Variants in VSTM2B observed in about 807,000 individuals in gnomAD.
VSTM2B encodes V-set and transmembrane domain containing 2B.
In VSTM2B, 24 loss-of-function variants were observed where a neutral mutation model predicts 24.0. The observed-to-expected ratio is 1.00, with a 90% CI of 0.72 to 1.40. The LOEUF (loss-of-function observed/expected upper bound fraction) is 1.40, where lower values mean the gene tolerates loss of function less well. Ranked by LOEUF, VSTM2B falls within the 40% of genes most tolerant of loss-of-function variation. The probability of loss-of-function intolerance (pLI) is 0.00; values close to 1 mark genes in which losing one functional copy is unlikely to be tolerated. For synonymous variants in VSTM2B, 226 were observed against 194.4 expected (o/e 1.16, Z -1.35); for missense variants, 399 against 416.4 (o/e 0.96, Z 0.36).
At chr19:29,561,909 C>T (rs1166425811) in intron 4 of VSTM2B, among the ~76,000 whole-genome samples, 1 of 152,222 alleles carries the variant, frequency 6.6e-6, no homozygotes, top group African/African-American at 2.4e-5. Context: ...ACAAAAGGGG[C>T]CCAGAGGCAG....
chr19:29,528,754 C>T (rs1241084002), intron 3 of VSTM2B, among the ~76,000 whole-genome samples: 3 of 152,258 alleles, frequency 2.0e-5, no homozygotes, highest in African/African-American at 4.8e-5. Context: ...TAGGGCCTCT[C>T]GCGCCTGCCA....
chr19:29,528,360 TA>T (rs780369463), intron 2 of VSTM2B, 72 bp from the exon 3 acceptor site: 21 of 1,547,830 alleles, frequency 1.4e-5, no homozygotes, highest in Non-Finnish European at 1.8e-5. Flanking sequence ...TGCCCTTGCC[TA>T]AAGGCGGATC....
At position 29,526,958 on chromosome 19, in the gene VSTM2B, G is replaced by A. The variant is rs569452316; in HGVS notation, c.83-253G>A. 4.2e-6 allele frequency: 2 copies of A among 472,486 alleles called. No homozygotes were observed. The highest frequency in any genetic ancestry group is 7.9e-5 in the South Asian group (2 of 25,458). The allele number at this position is 472,486 out of a possible 1,614,324, so 29.3% of individuals were successfully genotyped here. On this transcript the variant is annotated intron_variant, in intron 1 of 4. Coordinates refer to ENST00000335523, the MANE Select transcript of VSTM2B (RefSeq NM_001146339.2). This position sits in a 1 kb window ranked among gnomAD's most constrained non-coding sequence, Gnocchi z 4.1. ...GGCTCTGGCGGTGCGGCCAGGGGCGGGGGAGAAGCACGAGTCGCCCCTGCC... is the reference window on the plus strand; with the variant it reads ...GGCTCTGGCGGTGCGGCCAGGGGCGAGGGAGAAGCACGAGTCGCCCCTGCC...
chr19:29,530,169 C>T lies in VSTM2B; in HGVS notation c.648C>T (p.Pro216=), dbSNP rs1016476325. The T allele has an allele frequency of 6.7e-7, 1 of 1,488,134 alleles. No homozygotes were observed. Among genetic ancestry groups the T allele is most frequent in the Non-Finnish European group, 8.9e-7 (1 of 1,126,440 alleles). The allele number at this position is 1,488,134 out of a possible 1,614,324, so 92.2% of individuals were successfully genotyped here. Reference sequence around the variant, plus strand: ...CCGCCGCCATCGATCCCGCAGTCCCCGAGGCCGCGGCAGCCTCGGCGGCCC... The same window carrying T: ...CCGCCGCCATCGATCCCGCAGTCCCTGAGGCCGCGGCAGCCTCGGCGGCCC... ...SPPAAIDPAV[P]EAAAASAAHT... Residue 216 remains proline (P), a synonymous_variant, in exon 4 of 5, where the codon CCC becomes CCT. Transcript: ENST00000335523.
At position 29,526,617 on chromosome 19, in the gene VSTM2B, T is replaced by C. The variant is rs1226572087; in HGVS notation, c.34T>C (p.Tyr12His). 21 of 1,529,528 alleles carry C rather than the reference T, an allele frequency of 1.4e-5. No homozygotes were observed. Among genetic ancestry groups the C allele is most frequent in the Non-Finnish European group, 1.8e-5 (21 of 1,143,482 alleles). 94.7% of individuals were successfully genotyped at this position (1,529,528 alleles called of 1,614,324 possible). A position where few individuals can be genotyped will look rare whatever the true frequency, so the allele number is the denominator to read the frequency against. Reference protein sequence around the residue: ...EQRNRLGALGYLPPLLLHALL... With the variant: ...EQRNRLGALGHLPPLLLHALL... ...GCGGAACCGGCTCGGTGCCCTCGGATACCTGCCGCCTCTGCTGCTGCATGC... is the reference window on the plus strand; with the variant it reads ...GCGGAACCGGCTCGGTGCCCTCGGACACCTGCCGCCTCTGCTGCTGCATGC... Residue 12 changes from tyrosine to histidine, a missense_variant, in exon 1 of 5, where the codon TAC (tyrosine) becomes CAC (histidine). Physicochemically the swap from Tyr to His is moderately conservative, Grantham distance 83. Transcript: ENST00000335523. This position sits in a 1 kb window ranked among gnomAD's most constrained non-coding sequence, Gnocchi z 4.1.
chr19:29,530,121 G>T lies in VSTM2B; in HGVS notation c.600G>T (p.Lys200Asn). 1 of 1,445,658 alleles carries T rather than the reference G, an allele frequency of 6.9e-7. No homozygotes were observed. Among genetic ancestry groups the T allele is most frequent in the Non-Finnish European group, 9.0e-7 (1 of 1,107,754 alleles). 89.6% of individuals were successfully genotyped at this position (1,445,658 alleles called of 1,614,324 possible). A position where few individuals can be genotyped will look rare whatever the true frequency, so the allele number is the denominator to read the frequency against. ...RTTSEPGRGD[K>N]SPPPGSPPAA... is the part of the protein sequence containing the mutation. Reference sequence around the variant, plus strand: ...CCTCCGAGCCCGGCCGCGGCGACAAGAGCCCGCCGCCCGGGAGCCCTCCCG... The same window carrying T: ...CCTCCGAGCCCGGCCGCGGCGACAATAGCCCGCCGCCCGGGAGCCCTCCCG... The change falls in exon 4 of 5, where the codon AAG (lysine) becomes AAT (asparagine). Residue 200 changes from lysine to asparagine, a missense_variant. By Grantham distance (94) the Lys-to-Asn change is moderately conservative. Transcript: ENST00000335523.
chr19:29,529,750 C>T lies in VSTM2B; in HGVS notation c.298-69C>T, dbSNP rs368179274. 5.0e-5 allele frequency: 72 copies of T among 1,447,800 alleles called. No individual in the cohort carries two copies. The East Asian group carries it at 6.9e-4, about 14-fold the overall frequency. The allele number at this position is 1,447,800 out of a possible 1,614,324, so 89.7% of individuals were successfully genotyped here. On this transcript the variant is annotated intron_variant, in intron 3 of 4. Coordinates refer to ENST00000335523, the MANE Select transcript of VSTM2B (RefSeq NM_001146339.2). ...GGGGTGCGCGGATGAGGGGGCGCGA[C>T]GGCCAGGGTGGCCAGAAGAGTAGGT...
intron 4 of VSTM2B, among the ~76,000 whole-genome samples, chr19:29,556,289 G>A (rs1023293079): frequency 6.6e-6 from 1 of 152,116 alleles, no homozygotes; most frequent in Non-Finnish European, 1.5e-5. Flanking sequence ...AAAACCACAT[G>A]ATTATCTCAA....
At chr19:29,561,332 A>T (rs544454445) in intron 4 of VSTM2B, among the ~76,000 whole-genome samples, 1 of 150,246 alleles carries the variant, frequency 6.7e-6, no homozygotes, top group African/African-American at 2.5e-5. Context: ...AAATAAAAAA[A>T]ATTTAAAAAG....
intron 2 of VSTM2B, 143 bp from the exon 3 acceptor site, chr19:29,528,290 C>T (rs989445193): frequency 4.0e-6 from 4 of 1,006,854 alleles, no homozygotes; most frequent in Admixed American, 2.3e-5. Context: ...AGCCGGACGT[C>T]CTTTGTGCCC....
intron 4 of VSTM2B, among the ~76,000 whole-genome samples, chr19:29,545,099 G>T (rs2145491213): frequency 6.6e-6 from 1 of 152,226 alleles, no homozygotes; most frequent in South Asian, 2.1e-4. Flanking sequence ...GACTGGGTCA[G>T]CGAGGGCCCA....
In VSTM2B at chr19:29,530,246, C is replaced by G. The variant is rs1393271450; in HGVS notation, c.725C>G (p.Pro242Arg). The G allele has an allele frequency of 1.3e-6, 2 of 1,503,628 alleles. No individual in the cohort carries two copies. Among genetic ancestry groups the G allele is most frequent in the Non-Finnish European group, 1.8e-6 (2 of 1,133,364 alleles). 93.1% of individuals were successfully genotyped at this position (1,503,628 alleles called of 1,614,324 possible). Reference protein sequence around the residue: ...AAAAAASSASPPSGQAVLLRQ... With the variant: ...AAAAAASSASRPSGQAVLLRQ... ...GCTGCTGCTGCCTCGTCAGCGTCGC[C>G]GCCATCGGGACAGGCGGTCCTGCTG... The change falls in exon 4 of 5, where the codon CCG becomes CGG. Residue 242 changes from proline to arginine, a missense_variant. By Grantham distance (103) the Pro-to-Arg change is moderately radical. Transcript: ENST00000335523.
intron 2 of VSTM2B, 22 bp downstream of exon 2, chr19:29,527,417 A>T: frequency 6.8e-7 from 1 of 1,461,064 alleles, no homozygotes. Flanking sequence ...CCCACGCGGT[A>T]CCGGCGCGCG....
At chr19:29,546,895 GA>G (rs1195385881) in intron 4 of VSTM2B, among the ~76,000 whole-genome samples, 4 of 152,238 alleles carry the variant, frequency 2.6e-5, no homozygotes, top group Non-Finnish European at 4.4e-5. Context: ...AACATTCAGG[GA>G]AAAATCTCAT....
At chr19:29,558,678 G>A (rs1162949075) in intron 4 of VSTM2B, among the ~76,000 whole-genome samples, 1 of 152,314 alleles carries the variant, frequency 6.6e-6, no homozygotes, top group Admixed American at 6.5e-5. Context: ...CATGAACACA[G>A]GGAGAGGAAT....
At chr19:29,528,498 C>T in intron 3 of VSTM2B, 36 bp downstream of exon 3, 2 of 1,550,312 alleles carry the variant, frequency 1.3e-6, no homozygotes, top group Non-Finnish European at 1.7e-6. Flanking sequence ...GCGGGAGACC[C>T]CTTCTGGCCG....
intron 2 of VSTM2B, 40 bp downstream of exon 2, chr19:29,527,435 C>T (rs759631839): frequency 1.3e-5 from 19 of 1,420,248 alleles, no homozygotes; most frequent in Admixed American, 9.2e-5. Context: ...GCGCCCGGCT[C>T]GCGCCCGGGG....
At chr19:29,540,479 C>T (rs895526326) in intron 4 of VSTM2B, among the ~76,000 whole-genome samples, 4 of 152,198 alleles carry the variant, frequency 2.6e-5, no homozygotes, top group African/African-American at 7.2e-5. Flanking sequence ...ATTCTGAGCA[C>T]CTAGATGTGC....
At chr19:29,536,230 C>G (rs1427539585) in intron 4 of VSTM2B, among the ~76,000 whole-genome samples, 1 of 152,170 alleles carries the variant, frequency 6.6e-6, no homozygotes, top group African/African-American at 2.4e-5. Flanking sequence ...AGCCAGGGCA[C>G]CCAGGTAATT....
Sources: allele counts gnomAD v4.1 joint callset (sites outside exome capture counted in the v4.1 genomes callset), GRCh38; gene constraint gnomAD v4.1.1; non-coding constraint Gnocchi (gnomAD v3.1); transcripts MANE v1.5; gene names NCBI Gene and HGNC (gene_info 2026-07-23, HGNC 2026-07-21).